The following EPHB2 variants were observed in gnomAD, a reference collection of about 807,000 sequenced individuals.
EPHB2 encodes the protein ephrin type-B receptor 2.
A neutral mutation model predicts 96.4 loss-of-function variants in EPHB2; 18 were observed. The observed-to-expected ratio is 0.19, with a 90% CI of 0.13 to 0.28. The LOEUF (loss-of-function observed/expected upper bound fraction) is 0.28, where lower values mean the gene tolerates loss of function less well. Among genes scored for constraint, EPHB2 ranks in the 10% least tolerant of loss-of-function variants. The pLI is 1.00. For missense variants in EPHB2, 989 were observed against 1,355.4 expected, an observed-to-expected ratio of 0.73 and a Z score of 4.25; for synonymous variants, 506 against 534.1, an observed-to-expected ratio of 0.95 and a Z score of 0.72.
intron 3 of EPHB2, among the ~76,000 whole-genome samples, chr1:22,829,417 G>A (rs1180181657): frequency 2.6e-5 from 4 of 152,206 alleles, no homozygotes; most frequent in Non-Finnish European, 5.9e-5. Flanking sequence ...TGATGGGGTC[G>A]GCTCTACAGG....
intron 3 of EPHB2, among the ~76,000 whole-genome samples, chr1:22,831,730 G>A (rs4600017): frequency 0.29 from 43,570 of 151,906 alleles, 6,801 homozygotes; most frequent in Middle Eastern, 0.43. Flanking sequence ...TCCAATCCCC[G>A]TGGCAGTAGG....
At chr1:22,780,617 C>G (rs1644515510) in intron 1 of EPHB2, among the ~76,000 whole-genome samples, 1 of 152,100 alleles carries the variant, frequency 6.6e-6, no homozygotes. Flanking sequence ...CCTCTAAGGC[C>G]CAAGTTCGTT....
chr1:22,745,601 C>G (rs1234859164), intron 1 of EPHB2, among the ~76,000 whole-genome samples: 1 of 152,218 alleles, frequency 6.6e-6, no homozygotes, highest in Non-Finnish European at 1.5e-5. Flanking sequence ...ACATCCCTCC[C>G]CACTTTCTAA....
intron 1 of EPHB2, among the ~76,000 whole-genome samples, chr1:22,730,096 G>A (rs1643673975): frequency 6.6e-6 from 1 of 152,258 alleles, no homozygotes; most frequent in Non-Finnish European, 1.5e-5. Flanking sequence ...GATCCGAGGT[G>A]AATTAGGCAT....
chr1:22,815,949 T>C (rs1159972328), intron 3 of EPHB2, among the ~76,000 whole-genome samples: 1 of 152,084 alleles, frequency 6.6e-6, no homozygotes, highest in Non-Finnish European at 1.5e-5. Context: ...AGGCAGAAGG[T>C]GTGTGGGTGT....
intron 3 of EPHB2, among the ~76,000 whole-genome samples, chr1:22,830,360 T>C (rs1180624489): frequency 6.6e-6 from 1 of 152,162 alleles, no homozygotes; most frequent in Non-Finnish European, 1.5e-5. Flanking sequence ...GAGGAGGCCA[T>C]GCGCACCAGG....
At chr1:22,885,530 C>T (rs2148556181) in intron 6 of EPHB2, among the ~76,000 whole-genome samples, 1 of 152,362 alleles carries the variant, frequency 6.6e-6, no homozygotes, top group Admixed American at 6.5e-5. Flanking sequence ...AGCACGTCAC[C>T]TCTAGCATCT....
At chr1:22,907,809 G>A in intron 11 of EPHB2, 144 bp from the exon 12 acceptor site, 1 of 976,200 alleles carries the variant, frequency 1.0e-6, no homozygotes, top group East Asian at 2.5e-5. Context: ...GCCTCTCTGG[G>A]GTCCCAAAGC....
At chr1:22,782,555 G>A (rs993598225) in intron 2 of EPHB2, among the ~76,000 whole-genome samples, 1 of 152,054 alleles carries the variant, frequency 6.6e-6, no homozygotes, top group African/African-American at 2.4e-5. Flanking sequence ...CATCTGCGAA[G>A]GCGGCTGGGC....
Position 22,784,701 on chromosome 1 carries a change from A to C in EPHB2, c.436A>C (p.Ser146Arg), listed in dbSNP as rs1308659541. 1.2e-6 allele frequency: 2 copies of C among 1,613,722 alleles called. No homozygotes were observed. Among genetic ancestry groups the C allele is most frequent in the Non-Finnish European group, 1.7e-6 (2 of 1,180,002 alleles). Residue 146 changes from serine (S) to arginine (R), a missense_variant, in exon 3 of 16, where the codon AGC (serine) becomes CGC (arginine). By Grantham distance (110) the Ser-to-Arg change is moderately radical. Transcript: ENST00000374630. This position sits in a 1 kb window ranked among gnomAD's most constrained non-coding sequence, Gnocchi z 5.1. ...GGTGGATACCATTGCAGCCGACGAG[A>C]GCTTCTCCCAGGTGGACCTGGGTGG... ...VKVDTIAADE[S>R]FSQVDLGGRV...
In EPHB2 at chr1:22,781,251, C is replaced by T. The variant is rs184005678; in HGVS notation, c.62-170C>T. Among the ~76,000 whole-genome samples the T allele has an allele frequency of 6.9e-3, 979 of 142,100 alleles. 31 individuals are homozygous for T. The highest frequency in any genetic ancestry group is 0.049 in the Admixed American group (680 of 13,830). 93.2% of individuals were successfully genotyped at this position (142,100 alleles called of 152,430 possible). ...AGGAGAATGGCCTGAACGTGGGAGG[C>T]GGAGCTTGCAGTGAGCCGAGATCAC... On this transcript the variant is annotated intron_variant, in intron 1 of 15. Coordinates refer to ENST00000374630, the MANE Select transcript of EPHB2 (RefSeq NM_017449.5).
At chr1:22,847,410 C>G (rs999618077) in intron 3 of EPHB2, among the ~76,000 whole-genome samples, 110 of 152,284 alleles carry the variant, frequency 7.2e-4, no homozygotes, top group African/African-American at 2.5e-3. Context: ...TAAATGGTGG[C>G]TGCTGTTGTT....
Position 22,884,047 on chromosome 1 carries a change from C to T in EPHB2, c.1428+1564C>T, listed in dbSNP as rs559056541. Among the ~76,000 whole-genome samples the T allele has an allele frequency of 9.3e-4, 132 of 142,044 alleles. 4 individuals are homozygous for T. The South Asian group carries it at 0.026, about 27-fold the overall frequency. The allele number at this position is 142,044 out of a possible 152,430, so 93.2% of individuals were successfully genotyped here. ...CTCTGCCTGTTGGAATCTTCAGGGTCCCTCCCAAATGTCACCTCCGCCACA... is the reference window on the plus strand; with the variant it reads ...CTCTGCCTGTTGGAATCTTCAGGGTTCCTCCCAAATGTCACCTCCGCCACA... On this transcript the variant is annotated intron_variant, in intron 6 of 15. Transcript: ENST00000374630.
At chr1:22,890,855 G>T (rs548520945) in intron 6 of EPHB2, among the ~76,000 whole-genome samples, 1 of 152,292 alleles carries the variant, frequency 6.6e-6, no homozygotes, top group African/African-American at 2.4e-5. Context: ...GTATGTGTTT[G>T]CTTCTTCTTC....
At chr1:22,747,758 T>G (rs1386528112) in intron 1 of EPHB2, among the ~76,000 whole-genome samples, 2 of 152,244 alleles carry the variant, frequency 1.3e-5, no homozygotes, top group Non-Finnish European at 2.9e-5. Flanking sequence ...TGAACCCATT[T>G]GTTGGTGGCT....
chr1:22,797,451 G>A (rs1644783083), intron 3 of EPHB2, among the ~76,000 whole-genome samples: 1 of 152,068 alleles, frequency 6.6e-6, no homozygotes, highest in African/African-American at 2.4e-5. Flanking sequence ...GCCCTTTGTG[G>A]CTAGTTCCTG....
intron 3 of EPHB2, among the ~76,000 whole-genome samples, chr1:22,851,171 A>AT (rs894294746): frequency 2.6e-5 from 4 of 152,088 alleles, no homozygotes; most frequent in Non-Finnish European, 4.4e-5. Flanking sequence ...ATTTTTTAAA[A>AT]TTTTTTTGTA....
rs949011939 is a variant in EPHB2, at chr1:22,858,572, T to C, written c.812-4465T>C. Among the ~76,000 whole-genome samples, 4 of 152,264 alleles carry C rather than the reference T, an allele frequency of 2.6e-5. No homozygotes were observed. In the East Asian group the frequency reaches 7.7e-4, roughly 29 times the overall value. Reference sequence around the variant, plus strand: ...AGAGGTACAACTGCCTTCCTGTGTTTCAGGTCTCATTGTCTTCTTCCCACT... The same window carrying C: ...AGAGGTACAACTGCCTTCCTGTGTTCCAGGTCTCATTGTCTTCTTCCCACT... On this transcript the variant is annotated intron_variant, in intron 3 of 15. Transcript: ENST00000374630. This position sits in a 1 kb window ranked among gnomAD's most constrained non-coding sequence, Gnocchi z 7.7.
intron 1 of EPHB2, among the ~76,000 whole-genome samples, chr1:22,748,519 T>A (rs539400558): frequency 1.5e-4 from 23 of 151,988 alleles, no homozygotes; most frequent in Admixed American, 1.4e-3. Context: ...GTAGCTGGGA[T>A]TACAGGTGCA....
Sources: gnomAD v4.1 joint callset for allele counts (sites outside exome capture counted in the v4.1 genomes callset) on GRCh38, gnomAD v4.1.1 for gene constraint, Gnocchi (gnomAD v3.1) non-coding constraint, MANE v1.5 for transcripts, NCBI Gene and HGNC (gene_info 2026-07-23, HGNC 2026-07-21) for gene names.